The following EEA1 variants were observed in gnomAD, a reference collection of about 807,000 sequenced individuals.
EEA1 encodes the protein early endosome antigen 1.
EEA1 carries 111 observed loss-of-function variants against 209.2 expected under a neutral mutation model. The observed-to-expected ratio is 0.53, with a 90% CI of 0.45 to 0.62. The LOEUF is 0.62. EEA1 is among the 20% of genes least tolerant of loss of function. EEA1 has a pLI of 0.00. For missense variants in EEA1, 1,343 were observed against 1,530.8 expected, an observed-to-expected ratio of 0.88 and a Z score of 2.05; for synonymous variants, 536 against 540.6, an observed-to-expected ratio of 0.99 and a Z score of 0.12.
At chr12:92,840,030 G>A (rs1877098061) in intron 10 of EEA1, among the ~76,000 whole-genome samples, 1 of 152,176 alleles carries the variant, frequency 6.6e-6, no homozygotes, top group Non-Finnish European at 1.5e-5. Flanking sequence ...ACTAGGATTG[G>A]AGCATCTACT....
intron 9 of EEA1, among the ~76,000 whole-genome samples, chr12:92,842,898 C>T (rs972720877): frequency 2.0e-5 from 3 of 152,132 alleles, no homozygotes; most frequent in Admixed American, 2.0e-4. Flanking sequence ...TTCAATCTTC[C>T]AGAATTTAAA....
intron 3 of EEA1, among the ~76,000 whole-genome samples, chr12:92,860,867 A>G (rs1023872744): frequency 6.6e-6 from 1 of 151,696 alleles, no homozygotes; most frequent in African/African-American, 2.4e-5. Flanking sequence ...TCTAAATAAC[A>G]TGCTAGGTTC....
intron 13 of EEA1, among the ~76,000 whole-genome samples, chr12:92,820,126 G>A (rs1875977369): frequency 6.6e-6 from 1 of 151,972 alleles, no homozygotes; most frequent in African/African-American, 2.4e-5. Context: ...ACTCTAAAAA[G>A]GATTTTTGTG....
chr12:92,799,505 G>A (rs558586808), intron 20 of EEA1, among the ~76,000 whole-genome samples: 3 of 152,136 alleles, frequency 2.0e-5, no homozygotes, highest in South Asian at 2.1e-4. Flanking sequence ...GAATATTCTC[G>A]GCCAGGCACG....
intron 1 of EEA1, among the ~76,000 whole-genome samples, chr12:92,896,629 T>A (rs186607794): frequency 6.6e-6 from 1 of 152,046 alleles, no homozygotes; most frequent in East Asian, 1.9e-4. Context: ...ATGGTGAAAC[T>A]CCGTCACTAC....
chr12:92,872,904 A>G (rs991698619), intron 2 of EEA1, among the ~76,000 whole-genome samples: 11 of 152,194 alleles, frequency 7.2e-5, no homozygotes, highest in African/African-American at 2.7e-4. Flanking sequence ...CAGTGAGCCA[A>G]GATCACACCA....
intron 1 of EEA1, among the ~76,000 whole-genome samples, chr12:92,898,404 C>G (rs544692329): frequency 6.6e-6 from 1 of 152,190 alleles, no homozygotes; most frequent in African/African-American, 2.4e-5. Flanking sequence ...TGGCTCACGC[C>G]TGTAATCTCA....
intron 2 of EEA1, among the ~76,000 whole-genome samples, chr12:92,867,905 A>AAAGAATAAAT (rs1417580237): frequency 1.3e-5 from 2 of 152,194 alleles, no homozygotes; most frequent in Non-Finnish European, 2.9e-5. Context: ...ATTCAGTACG[A>AAAGAATAAAT]AAGAATAAAT....
intron 10 of EEA1, among the ~76,000 whole-genome samples, chr12:92,834,881 T>G (rs1409500024): frequency 1.3e-5 from 2 of 152,132 alleles, no homozygotes; most frequent in Admixed American, 1.3e-4. Context: ...ATCATCTTTT[T>G]TTTTTCTTTT....
intron 3 of EEA1, among the ~76,000 whole-genome samples, chr12:92,862,439 A>G (rs1371806395): frequency 6.6e-6 from 1 of 152,040 alleles, no homozygotes; most frequent in Admixed American, 6.6e-5. Flanking sequence ...AGAAAAAAAA[A>G]GTAAAAATTA....
chr12:92,838,661 A>G (rs895751262), intron 10 of EEA1, among the ~76,000 whole-genome samples: 1 of 152,192 alleles, frequency 6.6e-6, no homozygotes, highest in Non-Finnish European at 1.5e-5. Context: ...GAGGTCATCT[A>G]GTAAATCTGA....
rs71069185 is a variant in EEA1, at chr12:92,869,752, CAAAAAAAAAAAAAAAA to C, written c.118-4781_118-4766del. On this transcript the variant is annotated intron_variant, in intron 2 of 28. Coordinates refer to ENST00000322349, the MANE Select transcript of EEA1 (RefSeq NM_003566.4). ...TGGGTGACACAGTGAGATTCTGCCT[CAAAAAAAAAAAAAAAA>C]AAAAAAAAAAAAAAAAAAAAGGAAA... Among the ~76,000 whole-genome samples, 53 of 26,790 alleles carry C rather than the reference CAAAAAAAAAAAAAAAA, an allele frequency of 2.0e-3. No individual in the cohort carries two copies. In the Middle Eastern group the frequency reaches 0.1, roughly 51 times the overall value. 17.6% of individuals were successfully genotyped at this position (26,790 alleles called of 152,430 possible). A position where few individuals can be genotyped will look rare whatever the true frequency, so the allele number is the denominator to read the frequency against.
chr12:92,809,292 T>C (rs1875370583), intron 17 of EEA1, 136 bp from the exon 18 acceptor site: 1 of 591,906 alleles, frequency 1.7e-6, no homozygotes, highest in African/African-American at 1.9e-5. Flanking sequence ...AAAAACATAT[T>C]CTGAAACCAT....
chr12:92,780,838 C>G (rs1397773755), intron 23 of EEA1, among the ~76,000 whole-genome samples: 1 of 152,118 alleles, frequency 6.6e-6, no homozygotes, highest in Non-Finnish European at 1.5e-5. Flanking sequence ...AATAATCTAT[C>G]AGAGATAGAG....
intron 21 of EEA1, among the ~76,000 whole-genome samples, chr12:92,793,948 C>T (rs1377266748): frequency 6.6e-6 from 1 of 152,154 alleles, no homozygotes; most frequent in Non-Finnish European, 1.5e-5. Flanking sequence ...AGGCAACCTA[C>T]AGAATGGGAG....
In EEA1 at chr12:92,785,383, T is replaced by C. The variant is rs144453891; in HGVS notation, c.3150+2484A>G. On this transcript the variant is annotated intron_variant, in intron 22 of 28. Coordinates refer to ENST00000322349, the MANE Select transcript of EEA1 (RefSeq NM_003566.4). ...CTCTACACTGTCAACCCATGGTAGA[T>C]AGCCTTGAAGTAGTTAGGTATCATG... Among the ~76,000 whole-genome samples the C allele has an allele frequency of 2.9e-3, 449 of 152,288 alleles. 4 individuals are homozygous for C. Among genetic ancestry groups the C allele is most frequent in the African/African-American group, 0.01 (424 of 41,574 alleles).
intron 1 of EEA1, among the ~76,000 whole-genome samples, chr12:92,911,725 T>C (rs1008610594): frequency 4.6e-5 from 7 of 152,232 alleles, no homozygotes; most frequent in African/African-American, 1.7e-4. Flanking sequence ...AGTCTATGCA[T>C]GTGTAGGGGC....
At chr12:92,885,239 G>A (rs542452571) in intron 2 of EEA1, among the ~76,000 whole-genome samples, 64 of 152,034 alleles carry the variant, frequency 4.2e-4, no homozygotes, top group Non-Finnish European at 7.6e-4. Context: ...TCAACTACAC[G>A]CTATAAAATA....
chr12:92,885,636 G>GT (rs1471539275), intron 2 of EEA1, among the ~76,000 whole-genome samples: 3 of 152,138 alleles, frequency 2.0e-5, no homozygotes, highest in Non-Finnish European at 2.9e-5. Flanking sequence ...CCTCTCTAAT[G>GT]TTCCCCAGTT....
Sources: allele counts gnomAD v4.1 joint callset (sites outside exome capture counted in the v4.1 genomes callset), GRCh38; gene constraint gnomAD v4.1.1; transcripts MANE v1.5; gene names NCBI Gene and HGNC (gene_info 2026-07-23, HGNC 2026-07-21).